The following MEG3 variants were observed in gnomAD, a reference collection of about 807,000 sequenced individuals.
The protein encoded by MEG3 is maternally expressed 3, also known as Very putative protein from MEG3 locus.
At chr14:100,841,830 C>A (rs1461059863) in intron 2 of MEG3, among the ~76,000 whole-genome samples, 1 of 152,232 alleles carries the variant, frequency 6.6e-6, no homozygotes, top group African/African-American at 2.4e-5. Context: ...TGAGACTGGA[C>A]TTGTGGCTTC....
chr14:100,835,090 T>G, exon 1 of MEG3: 2 of 337,654 alleles, frequency 5.9e-6, no homozygotes, highest in South Asian at 2.3e-5. Context: ...TGTGGCTCCA[T>G]AGAGGTAGGC....
chr14:100,860,954 T>G, exon 2 of MEG3: 1 of 324,494 alleles, frequency 3.1e-6, no homozygotes, highest in Non-Finnish European at 6.1e-6. Flanking sequence ...GGCGCTGTGA[T>G]GCGGTTCCAA....
At chr14:100,860,405 TG>T (rs2038370458) in intron 1 of MEG3, 1 of 333,432 alleles carries the variant, frequency 3.0e-6, no homozygotes, top group South Asian at 2.2e-5. Flanking sequence ...AACCAGAGGT[TG>T]CCAGTTGTAG....
At chr14:100,833,678 CAGGTA>C (rs772007797), downstream of MEG3, 3 of 152,230 alleles carry the variant, frequency 2.0e-5, no homozygotes, top group Admixed American at 6.5e-5. Context: ...TTCTTTAGAG[CAGGTA>C]TGTCCCGAGT....
chr14:100,845,329 G>A lies in MEG3; in HGVS notation n.3046-129G>A. 2.8e-6 allele frequency: 1 copy of A among 355,264 alleles called. No individual in the cohort carries two copies. Among genetic ancestry groups the A allele is most frequent in the South Asian group, 2.1e-5 (1 of 48,444 alleles). 22.0% of individuals were successfully genotyped at this position (355,264 alleles called of 1,614,324 possible). A position where few individuals can be genotyped will look rare whatever the true frequency, so the allele number is the denominator to read the frequency against. ...TGGCTTCTCCAATTCCACACTTGCT[G>A]GAGGTTGGGGAGTCTCTGCTCCAGG... On this transcript the variant is annotated intron_variant and non_coding_transcript_variant, in intron 2 of 3. Transcript: ENST00000398461. This position sits in a 1 kb window ranked among gnomAD's most constrained non-coding sequence, Gnocchi z 5.2.
At chr14:100,838,822 C>T (rs1028590799) in intron 2 of MEG3, among the ~76,000 whole-genome samples, 10 of 151,986 alleles carry the variant, frequency 6.6e-5, no homozygotes, top group Non-Finnish European at 1.0e-4. Flanking sequence ...GGCCTGAGCT[C>T]GTGGAAAGGA....
chr14:100,840,185 C>T (rs2037709411), intron 2 of MEG3, among the ~76,000 whole-genome samples: 1 of 152,206 alleles, frequency 6.6e-6, no homozygotes, highest in Non-Finnish European at 1.5e-5. Context: ...AACTGCTCTC[C>T]AATTTCTTTG....
exon 1 of MEG3, chr14:100,834,894 G>C: frequency 2.3e-6 from 1 of 438,926 alleles, no homozygotes; most frequent in South Asian, 1.6e-5. Flanking sequence ...TTTGAACGGG[G>C]GCCTTGCTGG....
At chr14:100,838,341 T>G (rs1036415411) in intron 2 of MEG3, among the ~76,000 whole-genome samples, 1 of 152,172 alleles carries the variant, frequency 6.6e-6, no homozygotes, top group African/African-American at 2.4e-5. Flanking sequence ...TCATGAGTGT[T>G]TCGGTCTCAG....
intron 2 of MEG3, among the ~76,000 whole-genome samples, chr14:100,842,400 G>A (rs1021309000): frequency 2.0e-5 from 3 of 152,144 alleles, no homozygotes; most frequent in African/African-American, 4.8e-5. Context: ...GCTGATGGGG[G>A]CCTGCGAGAG....
intron 1 of MEG3, among the ~76,000 whole-genome samples, chr14:100,827,157 T>A (rs1295929370): frequency 6.6e-6 from 1 of 152,002 alleles, no homozygotes; most frequent in Non-Finnish European, 1.5e-5. Context: ...GTCTTGGACT[T>A]TTGGTCAAAT....
rs2037887849 is a variant in MEG3, at chr14:100,845,388, C to T, written n.3046-70C>T. On this transcript the variant is annotated intron_variant and non_coding_transcript_variant, in intron 2 of 3. Transcript: ENST00000398461. The surrounding 1 kb of genome is among the most constrained non-coding windows in gnomAD (Gnocchi z 5.2). Reference sequence around the variant, plus strand: ...GCCCGCCCCCCAGAGCTGTTGTCCTCATCCGCCCTCCTCCTCCTCGCCGGC... The same window carrying T: ...GCCCGCCCCCCAGAGCTGTTGTCCTTATCCGCCCTCCTCCTCCTCGCCGGC... The T allele has an allele frequency of 2.4e-6, 1 of 409,432 alleles. No homozygotes were observed. Among genetic ancestry groups the T allele is most frequent in the Non-Finnish European group, 4.8e-6 (1 of 207,438 alleles). 25.4% of individuals were successfully genotyped at this position (409,432 alleles called of 1,614,324 possible).
In MEG3 at chr14:100,837,850, C is replaced by G. The variant is rs2037635626; in HGVS notation, n.3045+1550C>G. Among the ~76,000 whole-genome samples, 1 of 152,078 alleles carries G rather than the reference C, an allele frequency of 6.6e-6. No individual in the cohort carries two copies. On this transcript the variant is annotated intron_variant and non_coding_transcript_variant, in intron 2 of 3. Coordinates refer to the MEG3 transcript ENST00000398461. The surrounding 1 kb of genome is among the most constrained non-coding windows in gnomAD (Gnocchi z 5.8). ...GGCAGAGGGGGCAGAGGCGCTCTAA[C>G]CTGGGGCTGTTGCCTTTGTCTGCTT... is the stretch of plus-strand genomic sequence containing the variant.
intron 3 of MEG3, chr14:100,846,969 T>A (rs1451328610): frequency 6.7e-6 from 1 of 149,390 alleles, no homozygotes; most frequent in African/African-American, 2.5e-5. Flanking sequence ...AGGGAACAAG[T>A]GATCAAAAGG....
upstream of MEG3, chr14:100,854,103 T>C (rs1287755421): frequency 1.3e-5 from 2 of 152,204 alleles, no homozygotes; most frequent in Non-Finnish European, 2.9e-5. Flanking sequence ...CTATGGATCT[T>C]TGTATGGATG....
chr14:100,843,042 T>G (rs2037806016), intron 2 of MEG3, among the ~76,000 whole-genome samples: 1 of 152,212 alleles, frequency 6.6e-6, no homozygotes. Context: ...AGCCCAGAGC[T>G]GGCACACGCA....
At chr14:100,838,373 T>C (rs2037651190) in intron 2 of MEG3, among the ~76,000 whole-genome samples, 1 of 152,210 alleles carries the variant, frequency 6.6e-6, no homozygotes, top group African/African-American at 2.4e-5. Flanking sequence ...TTTGGGGTTT[T>C]GTGTGTCATT....
chr14:100,856,374 G>A (rs542329375), upstream of MEG3: 3 of 152,796 alleles, frequency 2.0e-5, no homozygotes, highest in African/African-American at 7.2e-5. Context: ...AGAGGAAGGA[G>A]AGTAGGCAAA....
At chr14:100,843,520 T>C (rs1298010187) in intron 2 of MEG3, among the ~76,000 whole-genome samples, 3 of 152,206 alleles carry the variant, frequency 2.0e-5, no homozygotes, top group South Asian at 4.1e-4. Flanking sequence ...CTAACACTTA[T>C]TTTAAGACTT....
Sources: allele counts gnomAD v4.1 joint callset (sites outside exome capture counted in the v4.1 genomes callset), GRCh38; gene constraint gnomAD v4.1.1; non-coding constraint Gnocchi (gnomAD v3.1); transcripts MANE v1.5; gene names NCBI Gene and HGNC (gene_info 2026-07-23, HGNC 2026-07-21).